The following F9 variants were observed in gnomAD, a reference collection of about 807,000 sequenced individuals.
The protein encoded by F9 is Christmas factor.
In F9, 2 loss-of-function variants were observed where a neutral mutation model predicts 34.1. The ratio of observed to expected loss-of-function variants is 0.06; its 90% confidence interval spans 0.02 to 0.18. F9 has a LOEUF of 0.18. Among genes scored for constraint, F9 ranks in the 10% least tolerant of loss-of-function variants. F9 has a pLI of 1.00. For missense variants in F9, 216 were observed against 345.1 expected, an observed-to-expected ratio of 0.63 and a Z score of 2.96; for synonymous variants, 137 against 118.8, an observed-to-expected ratio of 1.15 and a Z score of -1.00.
chrX:139,537,821 C>T (rs1481339656), intron 3 of F9, among the ~76,000 whole-genome samples: 1 of 111,259 alleles, frequency 9.0e-6, no homozygotes, highest in Non-Finnish European at 1.9e-5. Context: ...TCCTCTGCTA[C>T]TTCTCTCCTC....
chrX:139,541,476 C>A (rs781093217), intron 4 of F9, among the ~76,000 whole-genome samples: 2 of 111,643 alleles, frequency 1.8e-5, no homozygotes, highest in South Asian at 3.8e-4. Flanking sequence ...GCATTCTATG[C>A]AGATGAGAAA....
At chrX:139,538,110 T>A (rs1218129615) in intron 3 of F9, among the ~76,000 whole-genome samples, 2 of 111,914 alleles carry the variant, frequency 1.8e-5, no homozygotes, top group Non-Finnish European at 3.8e-5. Flanking sequence ...CTTTTCACCA[T>A]CTAATGTATC....
chrX:139,540,456 G>A (rs895682354), intron 3 of F9, among the ~76,000 whole-genome samples: 2 of 111,817 alleles, frequency 1.8e-5, no homozygotes, highest in Non-Finnish European at 3.8e-5. Flanking sequence ...ATTTGAAACC[G>A]AATTTGTAAA....
chrX:139,545,916 T>G (rs778443098), intron 4 of F9, among the ~76,000 whole-genome samples: 2 of 87,118 alleles, frequency 2.3e-5, no homozygotes, highest in South Asian at 4.4e-4. Flanking sequence ...GCACTATAAT[T>G]TCTTTTTTTT....
intron 4 of F9, among the ~76,000 whole-genome samples, chrX:139,548,127 A>G (rs1446362380): frequency 8.9e-6 from 1 of 111,914 alleles, no homozygotes; most frequent in Non-Finnish European, 1.9e-5. Context: ...CCAAACATTT[A>G]GTTTTAAACC....
chrX:139,543,956 C>T (rs4149756), intron 4 of F9, among the ~76,000 whole-genome samples: 1,149 of 111,783 alleles, frequency 0.01, 7 homozygotes, highest in Non-Finnish European at 0.017. Context: ...GAATCTTCAG[C>T]CTTTTAGCTG....
rs45473300 is a variant in F9, at chrX:139,548,484, A to G, written c.513A>G (p.Glu171=). The G allele has an allele frequency of 7.0e-5, 85 of 1,208,377 alleles. No homozygotes were observed. The highest frequency in any genetic ancestry group is 8.8e-5 in the Non-Finnish European group (79 of 894,219). The change falls in exon 5 of 8, where the codon GAA becomes GAG. Residue 171 remains glutamate, a synonymous_variant. Coordinates refer to ENST00000218099, the MANE Select transcript of F9 (RefSeq NM_000133.4). ...TTGCAGAAAACCAGAAGTCCTGTGA[A>G]CCAGCAGGTCATAATCTGAATAAGA... is the stretch of plus-strand genomic sequence containing the variant. The part of the protein sequence containing the change: ...YRLAENQKSC[E]PAVPFPCGRV...
intron 3 of F9, among the ~76,000 whole-genome samples, chrX:139,537,638 G>A (rs1927515830): frequency 9.0e-6 from 1 of 111,505 alleles, no homozygotes; most frequent in African/African-American, 3.3e-5. Flanking sequence ...AGGGTGGAAG[G>A]AAGAAACTGA....
At chrX:139,548,992 A>C (rs1161174454) in intron 5 of F9, among the ~76,000 whole-genome samples, 6 of 111,267 alleles carry the variant, frequency 5.4e-5, no homozygotes, top group Admixed American at 9.6e-5. Flanking sequence ...GAACTGTTTT[A>C]TGTTCTGCTA....
intron 6 of F9, among the ~76,000 whole-genome samples, chrX:139,555,722 A>G (rs1378121636): frequency 8.9e-6 from 1 of 112,681 alleles, no homozygotes; most frequent in Admixed American, 9.3e-5. Context: ...CTAGAGGGTT[A>G]AATGCACTAC....
intron 1 of F9, among the ~76,000 whole-genome samples, chrX:139,536,215 A>ATATATG (rs201869779): frequency 1.5e-5 from 1 of 67,727 alleles, no homozygotes; most frequent in Non-Finnish European, 3.4e-5. Flanking sequence ...ATATACACAC[A>ATATATG]CATATATATG....
chrX:139,554,686 A>G (rs1451437224), intron 6 of F9, among the ~76,000 whole-genome samples: 1 of 112,653 alleles, frequency 8.9e-6, no homozygotes, highest in African/African-American at 3.2e-5. Context: ...CATCAAGAGA[A>G]AGCAAGCAAC....
At chrX:139,550,950 G>C in intron 5 of F9, 112 bp from the exon 6 acceptor site, 1 of 595,358 alleles carries the variant, frequency 1.7e-6, no homozygotes, top group Admixed American at 3.0e-5. Context: ...AAATACTGAT[G>C]GGCCTGCTTC....
rs1603267362 is a variant in F9 at position 139,561,709 on chromosome X, A to G, written c.1024A>G (p.Thr342Ala). Residue 342 changes from threonine to alanine, a missense_variant, in exon 8 of 8, where the codon ACG (threonine) becomes GCG (alanine). Thr to Ala is a moderately conservative substitution (Grantham distance 58, BLOSUM62 0). This residue lies in a region of F9 where 177 missense variants were observed against 311.8 expected (regional missense o/e 0.57). Transcript: ENST00000218099. ...TPICIADKEY[T>A]NIFLKFGSGY... The stretch of plus-strand genomic sequence containing the variant: ...TATTTGCATTGCTGACAAGGAATAC[A>G]CGAACATCTTCCTCAAATTTGGATC... The G allele has an allele frequency of 5.8e-6, 7 of 1,212,069 alleles. No individual in the cohort carries two copies. The highest frequency in any genetic ancestry group is 6.7e-6 in the Non-Finnish European group (6 of 895,569).
In F9 at chrX:139,530,879, G is replaced by A. The variant is rs189051776; in HGVS notation, c.88+27G>A. On this transcript the variant is annotated intron_variant, in intron 1 of 7. Transcript: ENST00000218099. ...TTTGTTTCCTTTTTTAAAATACATT[G>A]AGTATGCTTGCCTTTTAGATATAGA... The A allele has an allele frequency of 2.7e-4, 292 of 1,080,756 alleles. No individual in the cohort carries two copies. In the African/African-American group the frequency reaches 4.8e-3, roughly 18 times the overall value. The allele number at this position is 1,080,756 out of a possible 1,213,427, so 89.1% of individuals were successfully genotyped here.
chrX:139,546,562 T>G (rs552502643), intron 4 of F9, among the ~76,000 whole-genome samples: 4 of 111,752 alleles, frequency 3.6e-5, no homozygotes, highest in Middle Eastern at 4.6e-3. Flanking sequence ...AAACTGTAAC[T>G]TTCAGAAAAA....
At chrX:139,558,155 C>T (rs1216297072) in intron 6 of F9, among the ~76,000 whole-genome samples, 2 of 113,641 alleles carry the variant, frequency 1.8e-5, no homozygotes, top group Admixed American at 9.2e-5. Context: ...GGTGCACGTG[C>T]CCTATGCTAT....
At chrX:139,551,911 C>T (rs1428597727) in intron 6 of F9, among the ~76,000 whole-genome samples, 2 of 111,985 alleles carry the variant, frequency 1.8e-5, no homozygotes, top group East Asian at 5.6e-4. Flanking sequence ...AAAACTAGGC[C>T]AGGTGCAGTG....
At position 139,548,542 on chromosome X, in the gene F9, G is replaced by A. The variant is rs759247800; in HGVS notation, c.520+51G>A. 1.4e-5 allele frequency: 16 copies of A among 1,150,303 alleles called. No homozygotes were observed. The African/African-American group carries it at 2.3e-4, about 17-fold the overall frequency. The allele number at this position is 1,150,303 out of a possible 1,213,427, so 94.8% of individuals were successfully genotyped here. A position where few individuals can be genotyped will look rare whatever the true frequency, so the allele number is the denominator to read the frequency against. On this transcript the variant is annotated intron_variant, in intron 5 of 7. Transcript: ENST00000218099. ...AAGAAAATCTGTATCTGAAACTTCA[G>A]CATTTTAACAAACCTACATAATTTT... is the stretch of plus-strand genomic sequence containing the variant.
Sources: allele counts gnomAD v4.1 joint callset (sites outside exome capture counted in the v4.1 genomes callset), GRCh38; gene constraint gnomAD v4.1.1; regional missense constraint gnomAD v4.1.1; transcripts MANE v1.5; gene names NCBI Gene and HGNC (gene_info 2026-07-23, HGNC 2026-07-21).